IARS2: variants seen among roughly 807,000 people sequenced by gnomAD.
IARS2 encodes the protein isoleucine--tRNA ligase, mitochondrial.
Under a neutral mutation model 126.3 loss-of-function variants are expected in IARS2, and 56 were observed. That is an observed-to-expected ratio of 0.44 (90% CI 0.36 to 0.55). The LOEUF (loss-of-function observed/expected upper bound fraction) is 0.55, where lower values mean the gene tolerates loss of function less well. Among genes scored for constraint, IARS2 ranks in the 20% least tolerant of loss-of-function variants. The pLI is 0.00. For missense variants in IARS2, 1,127 were observed against 1,245.9 expected, an observed-to-expected ratio of 0.90 and a Z score of 1.44; for synonymous variants, 407 against 441.1, an observed-to-expected ratio of 0.92 and a Z score of 0.97.
chr1:220,105,878 T>G lies in IARS2; in HGVS notation c.1067-13T>G. 6.2e-7 allele frequency: 1 copy of G among 1,612,122 alleles called. No individual in the cohort carries two copies. Among genetic ancestry groups the G allele is most frequent in the East Asian group, 2.2e-5 (1 of 44,864 alleles). ...ATAAAATGATTCTTAATAGTGGTTT[T>G]CTTTCCCCACAGGTGTAGATTTGGA... is the stretch of plus-strand genomic sequence containing the variant. On this transcript the variant is annotated splice_polypyrimidine_tract_variant and intron_variant, in intron 8 of 22. Transcript: ENST00000366922.
intron 14 of IARS2, among the ~76,000 whole-genome samples, chr1:220,128,899 G>A (rs1231822433): frequency 6.8e-6 from 1 of 147,002 alleles, no homozygotes; most frequent in Non-Finnish European, 1.5e-5. Flanking sequence ...TATTTCTAGA[G>A]TGTGATTTTT....
intron 2 of IARS2, among the ~76,000 whole-genome samples, chr1:220,096,640 T>A (rs1656450082): frequency 6.6e-6 from 1 of 152,264 alleles, no homozygotes; most frequent in Non-Finnish European, 1.5e-5. Context: ...ATCTGTTCAC[T>A]CATTTTTCAG....
At chr1:220,130,683 G>A (rs986637359) in intron 14 of IARS2, among the ~76,000 whole-genome samples, 3 of 152,010 alleles carry the variant, frequency 2.0e-5, no homozygotes, top group East Asian at 1.9e-4. Flanking sequence ...CCAGCCTCCC[G>A]AGTAGCTGGG....
Position 220,100,583 on chromosome 1 carries a change from A to G in IARS2, c.484A>G (p.Ile162Val). 1 of 1,613,346 alleles carries G rather than the reference A, an allele frequency of 6.2e-7. No homozygotes were observed. The highest frequency in any genetic ancestry group is 8.5e-7 in the Non-Finnish European group (1 of 1,179,434). The change falls in exon 3 of 23, where the codon ATA becomes GTA. Residue 162 changes from isoleucine (I) to valine (V), a missense_variant. Ile to Val is a conservative substitution (Grantham distance 29, BLOSUM62 3). Transcript: ENST00000366922. ...GGATTGTCATGGGTTGCCCATTGAA[A>G]TAAAAGTATTATCAGAACTTGGTAG... ...GWDCHGLPIE[I>V]KVLSELGREA...
chr1:220,094,538 C>CA, intron 1 of IARS2, 55 bp downstream of exon 1: 1 of 1,455,352 alleles, frequency 6.9e-7, no homozygotes, highest in African/African-American at 1.5e-5. Flanking sequence ...CGGCCGCGGG[C>CA]ACCGGGCGCT....
rs753323139 is a variant in IARS2, at chr1:220,141,940, A to G, written c.2552A>G (p.Tyr851Cys). The G allele has an allele frequency of 1.9e-6, 3 of 1,612,240 alleles. No individual in the cohort carries two copies. Among genetic ancestry groups the G allele is most frequent in the Non-Finnish European group, 2.5e-6 (3 of 1,178,864 alleles). ...LAEEVFQHIPYIKEPKSVFRT... is the reference protein window; with the variant it reads ...LAEEVFQHIPCIKEPKSVFRT... ...GAAGAGGTGTTCCAGCACATACCTTATATTAAAGGTAAGGAATACTTCATT... is the reference window on the plus strand; with the variant it reads ...GAAGAGGTGTTCCAGCACATACCTTGTATTAAAGGTAAGGAATACTTCATT... Residue 851 changes from tyrosine (Y) to cysteine (C), a missense_variant, in exon 20 of 23, where the codon TAT becomes TGT. Transcript: ENST00000366922.
rs1045591407 is a variant in IARS2 at position 220,142,863 on chromosome 1, A to G, written c.2561-81A>G. 1.0e-5 allele frequency: 9 copies of G among 889,298 alleles called. No homozygotes were observed. The Admixed American group carries it at 1.1e-4, about 11-fold the overall frequency. The allele number at this position is 889,298 out of a possible 1,614,324, so 55.1% of individuals were successfully genotyped here. A position where few individuals can be genotyped will look rare whatever the true frequency, so the allele number is the denominator to read the frequency against. On this transcript the variant is annotated intron_variant, in intron 20 of 22. Transcript: ENST00000366922. ...AAATAACAATTCTTATTTCCCATTA[A>G]TGGTAACTATTTAATGGTTAGAGCT...
At chr1:220,145,176 C>T (rs1657562760) in intron 21 of IARS2, among the ~76,000 whole-genome samples, 1 of 151,678 alleles carries the variant, frequency 6.6e-6, no homozygotes, top group African/African-American at 2.4e-5. Context: ...AAGTTAACCT[C>T]TCTTTGCTTG....
intron 21 of IARS2, among the ~76,000 whole-genome samples, chr1:220,144,849 A>C (rs1042691061): frequency 1.3e-5 from 2 of 152,216 alleles, no homozygotes; most frequent in African/African-American, 4.8e-5. Flanking sequence ...AACCAAATTA[A>C]TCTCTTTGAG....
Position 220,114,343 on chromosome 1 carries a change from T to C in IARS2, c.1509T>C (p.Pro503=), listed in dbSNP as rs776761647. ...TGTTAAAAAAGGTGAAATTTATTCC[T>C]GGATCAGCACTGAATGGCATGGTTG... ...KELLKKVKFI[P]GSALNGMVEM... The change falls in exon 12 of 23, where the codon CCT becomes CCC. Residue 503 remains proline (P), a synonymous_variant. Transcript: ENST00000366922. The C allele has an allele frequency of 1.9e-6, 3 of 1,614,012 alleles. No homozygotes were observed. In the Admixed American group the frequency reaches 5.0e-5, roughly 27 times the overall value.
At chr1:220,142,825 A>C in intron 20 of IARS2, 119 bp from the exon 21 acceptor site, 1 of 575,624 alleles carries the variant, frequency 1.7e-6, no homozygotes. Context: ...ATATTTCATC[A>C]CTTGATTACC....
At chr1:220,111,516 G>T (rs548339116) in intron 11 of IARS2, among the ~76,000 whole-genome samples, 2 of 149,846 alleles carry the variant, frequency 1.3e-5, no homozygotes, top group Admixed American at 6.7e-5. Flanking sequence ...CTTATAATTG[G>T]TATTTAAATA....
At chr1:220,109,545 C>A (rs574485325) in intron 10 of IARS2, among the ~76,000 whole-genome samples, 1 of 152,182 alleles carries the variant, frequency 6.6e-6, no homozygotes, top group Non-Finnish European at 1.5e-5. Flanking sequence ...TTTAAGATTT[C>A]TCTAGCATTA....
At chr1:220,144,620 G>A (rs980322565) in intron 21 of IARS2, among the ~76,000 whole-genome samples, 3 of 152,164 alleles carry the variant, frequency 2.0e-5, no homozygotes, top group African/African-American at 7.2e-5. Flanking sequence ...GGGTAACACA[G>A]CCTAGTCCTG....
chr1:220,110,969 G>T (rs1389491886), intron 11 of IARS2, 32 bp downstream of exon 11: 1 of 1,603,290 alleles, frequency 6.2e-7, no homozygotes, highest in African/African-American at 1.3e-5. Flanking sequence ...AACAGGTCGG[G>T]CATATCATTC....
chr1:220,137,893 T>C, intron 16 of IARS2, 25 bp from the exon 17 acceptor site: 2 of 1,613,298 alleles, frequency 1.2e-6, no homozygotes, highest in Admixed American at 1.7e-5. Flanking sequence ...CCATTGTGTT[T>C]ATATATTTTT....
At chr1:220,127,755 T>G (rs1277848045) in intron 14 of IARS2, among the ~76,000 whole-genome samples, 1 of 152,238 alleles carries the variant, frequency 6.6e-6, no homozygotes, top group Admixed American at 6.5e-5. Context: ...TTTAAGCCTT[T>G]CTTTCAGCTT....
chr1:220,094,574 A>C, intron 1 of IARS2, 91 bp downstream of exon 1: 2 of 1,109,862 alleles, frequency 1.8e-6, no homozygotes, highest in Non-Finnish European at 2.5e-6. Flanking sequence ...TCTAGGCTCC[A>C]CGCCGGTGCG....
intron 10 of IARS2, among the ~76,000 whole-genome samples, chr1:220,109,649 T>C (rs1375109139): frequency 6.6e-6 from 1 of 152,188 alleles, no homozygotes; most frequent in Non-Finnish European, 1.5e-5. Flanking sequence ...GCTGAATCAG[T>C]GGCAAAAACA....
Sources: allele counts gnomAD v4.1 joint callset (sites outside exome capture counted in the v4.1 genomes callset), GRCh38; gene constraint gnomAD v4.1.1; transcripts MANE v1.5; gene names NCBI Gene and HGNC (gene_info 2026-07-23, HGNC 2026-07-21).